Variants in CTNNA2 observed in about 807,000 individuals in gnomAD.
CTNNA2 encodes the protein catenin alpha-2.
CTNNA2 carries 42 observed loss-of-function variants against 101.0 expected under a neutral mutation model. The observed-to-expected ratio is 0.42, with a 90% CI of 0.32 to 0.54. CTNNA2 has a LOEUF of 0.54. Ranked by LOEUF, CTNNA2 falls within the 20% of genes least tolerant of loss-of-function variation. The pLI is 0.14. For synonymous variants in CTNNA2, 450 were observed against 456.4 expected, an observed-to-expected ratio of 0.99 and a Z score of 0.18; for missense variants, 871 against 1,223.1, an observed-to-expected ratio of 0.71 and a Z score of 4.29.
At chr2:80,500,326 C>T (rs189748801) in intron 9 of CTNNA2, among the ~76,000 whole-genome samples, 1 of 152,264 alleles carries the variant, frequency 6.6e-6, no homozygotes, top group East Asian at 1.9e-4. Flanking sequence ...TGCCATGATC[C>T]ACCATCCATT....
At chr2:79,869,132 A>G (rs564905400) in intron 4 of CTNNA2, among the ~76,000 whole-genome samples, 1 of 152,338 alleles carries the variant, frequency 6.6e-6, no homozygotes, top group East Asian at 1.9e-4. Flanking sequence ...TACTATGGAA[A>G]AGTTCACTGA....
At chr2:79,883,649 C>A (rs986619573) in intron 6 of CTNNA2, among the ~76,000 whole-genome samples, 4 of 151,996 alleles carry the variant, frequency 2.6e-5, no homozygotes, top group African/African-American at 9.7e-5. Flanking sequence ...AGAAAACAAA[C>A]TTTCAATAGT....
chr2:80,002,816 GATA>G (rs1333700177), intron 7 of CTNNA2, among the ~76,000 whole-genome samples: 1 of 152,100 alleles, frequency 6.6e-6, no homozygotes, highest in African/African-American at 2.4e-5. Flanking sequence ...CTGCCTACAG[GATA>G]ATGTCAGGCC....
chr2:79,709,462 T>G (rs907025920), intron 2 of CTNNA2, among the ~76,000 whole-genome samples: 2 of 152,048 alleles, frequency 1.3e-5, no homozygotes, highest in African/African-American at 4.8e-5. Flanking sequence ...GTCAGTAATA[T>G]GGGGATGAGA....
chr2:79,997,653 A>G (rs1209130028), intron 7 of CTNNA2, among the ~76,000 whole-genome samples: 1 of 151,772 alleles, frequency 6.6e-6, no homozygotes, highest in African/African-American at 2.4e-5. Context: ...CATCCTCACT[A>G]AAACACAGCA....
rs137972739 is a variant in CTNNA2 at position 79,264,340 on chromosome 2, C to T, written c.-405-48369C>T. ...CATACATGTAAAGTACTTTAAAATA[C>T]GCATTTTTTAATAGAAATTATATTT... On this transcript the variant is annotated intron_variant, in intron 2 of 21. Coordinates refer to the CTNNA2 transcript ENST00000466387. Among the ~76,000 whole-genome samples the T allele has an allele frequency of 4.1e-3, 619 of 152,170 alleles. 4 individuals carry two copies. Among genetic ancestry groups the T allele is most frequent in the African/African-American group, 0.014 (591 of 41,518 alleles).
chr2:79,472,757 A>G (rs1422353269), intron 4 of CTNNA2, among the ~76,000 whole-genome samples: 2 of 152,088 alleles, frequency 1.3e-5, no homozygotes, highest in Non-Finnish European at 2.9e-5. Context: ...AATTTTCCAA[A>G]TATTTAAGTT....
intron 7 of CTNNA2, among the ~76,000 whole-genome samples, chr2:79,929,893 G>C (rs1266344580): frequency 6.6e-6 from 1 of 152,054 alleles, no homozygotes; most frequent in African/African-American, 2.4e-5. Context: ...GAAAGAACCT[G>C]GCTATGATTT....
chr2:80,210,590 C>G (rs1707824608), intron 7 of CTNNA2, among the ~76,000 whole-genome samples: 1 of 152,184 alleles, frequency 6.6e-6, no homozygotes, highest in African/African-American at 2.4e-5. Context: ...ATATGTGCCA[C>G]ATTTTCTTAA....
In CTNNA2 at chr2:80,248,017, A is replaced by AT. The variant is rs553274292; in HGVS notation, c.1057-145181dup. On this transcript the variant is annotated intron_variant, in intron 7 of 18. Transcript: ENST00000402739. ...TACCTCTATCATTTGTCTTTTCTTT[A>AT]TTTTTTTTTTTTTGTGGGGGCAGGG... 6.8e-3 allele frequency among the ~76,000 whole-genome samples: 966 copies of AT among 141,420 alleles called. 4 individuals carry two copies. Among genetic ancestry groups the AT allele is most frequent in the African/African-American group, 0.015 (598 of 38,658 alleles). The allele number at this position is 141,420 out of a possible 152,430, so 92.8% of individuals were successfully genotyped here.
chr2:80,084,193 A>G (rs1162046801), intron 7 of CTNNA2, among the ~76,000 whole-genome samples: 1 of 152,128 alleles, frequency 6.6e-6, no homozygotes, highest in African/African-American at 2.4e-5. Context: ...GACAGGAACT[A>G]TTGAGAAGTT....
chr2:79,202,715 C>T (rs887488269), intron 2 of CTNNA2, among the ~76,000 whole-genome samples: 2 of 147,744 alleles, frequency 1.4e-5, no homozygotes, highest in African/African-American at 5.1e-5. Context: ...GGTGGAAGGG[C>T]TTATGGTTCT....
chr2:79,459,796 C>T (rs1430635), intron 4 of CTNNA2, among the ~76,000 whole-genome samples: 7,136 of 152,124 alleles, frequency 0.047, 283 homozygotes, highest in East Asian at 0.12. Context: ...TTTTCTTCAC[C>T]TACTCAGTTC....
intron 1 of CTNNA2, among the ~76,000 whole-genome samples, chr2:79,592,761 A>G (rs1235154475): frequency 1.3e-5 from 2 of 152,182 alleles, no homozygotes; most frequent in South Asian, 2.1e-4. Flanking sequence ...CCCTTAGGAG[A>G]TAATCATTGA....
intron 13 of CTNNA2, chr2:80,576,129 G>C (rs1045182543): frequency 2.6e-5 from 4 of 152,044 alleles, no homozygotes; most frequent in Non-Finnish European, 5.9e-5. Flanking sequence ...CCTCCCAAAG[G>C]CTGCAAAGAA....
intron 3 of CTNNA2, among the ~76,000 whole-genome samples, chr2:79,749,999 T>G (rs1251107084): frequency 6.6e-6 from 1 of 152,198 alleles, no homozygotes; most frequent in South Asian, 2.1e-4. Context: ...ATGAAGAAGA[T>G]TGAGTAGCTC....
At chr2:80,321,928 T>TTTTATTTATTTATTTATTTA (rs145750433) in intron 7 of CTNNA2, among the ~76,000 whole-genome samples, 1 of 151,494 alleles carries the variant, frequency 6.6e-6, no homozygotes, top group African/African-American at 2.4e-5. Flanking sequence ...ATTCTCTGTA[T>TTTTATTTATTTATTTATTTA]TTTATTTATT....
intron 7 of CTNNA2, among the ~76,000 whole-genome samples, chr2:80,195,091 C>G (rs1706751077): frequency 6.6e-6 from 1 of 152,046 alleles, no homozygotes; most frequent in Non-Finnish European, 1.5e-5. Flanking sequence ...TACTTAAAGA[C>G]TCTTAGTAAA....
intron 4 of CTNNA2, among the ~76,000 whole-genome samples, chr2:79,859,312 G>A (rs1453159816): frequency 6.6e-6 from 1 of 152,074 alleles, no homozygotes; most frequent in Non-Finnish European, 1.5e-5. Flanking sequence ...AATAACAAGA[G>A]CGTGCTCTCA....
Sources: gnomAD v4.1 joint callset for allele counts (sites outside exome capture counted in the v4.1 genomes callset) on GRCh38, gnomAD v4.1.1 for gene constraint, MANE v1.5 for transcripts, NCBI Gene and HGNC (gene_info 2026-07-23, HGNC 2026-07-21) for gene names.